Variants in SLC6A11 observed in about 807,000 individuals in gnomAD.
SLC6A11 encodes solute carrier family 6 member 11.
A neutral mutation model predicts 74.8 loss-of-function variants in SLC6A11; 25 were observed. The observed-to-expected ratio is 0.33, with a 90% CI of 0.24 to 0.47. The LOEUF is 0.47. SLC6A11 is among the 20% of genes least tolerant of loss of function. The probability of loss-of-function intolerance (pLI) is 1.00; values close to 1 mark genes in which losing one functional copy is unlikely to be tolerated. For synonymous variants in SLC6A11, 330 were observed against 330.2 expected (o/e 1.00, Z 0.01); for missense variants, 574 against 837.0 (o/e 0.69, Z 3.88).
At chr3:10,865,681 C>A (rs550837352) in intron 5 of SLC6A11, among the ~76,000 whole-genome samples, 25 of 152,174 alleles carry the variant, frequency 1.6e-4, no homozygotes, top group African/African-American at 5.1e-4. Flanking sequence ...AACAAAAAAC[C>A]CTGTGGCTTC....
intron 9 of SLC6A11, among the ~76,000 whole-genome samples, chr3:10,927,636 A>G (rs755258551): frequency 6.6e-6 from 1 of 152,124 alleles, no homozygotes; most frequent in Non-Finnish European, 1.5e-5. Flanking sequence ...CCTCTTCCCT[A>G]GGACCTGGAG....
At chr3:10,936,954 T>C (rs1302380481) in intron 13 of SLC6A11, among the ~76,000 whole-genome samples, 2 of 152,162 alleles carry the variant, frequency 1.3e-5, no homozygotes, top group African/African-American at 2.4e-5. Flanking sequence ...GGGACTTCTT[T>C]GGAGGTGTCA....
At chr3:10,846,304 T>G (rs1385340068) in intron 5 of SLC6A11, among the ~76,000 whole-genome samples, 1 of 152,180 alleles carries the variant, frequency 6.6e-6, no homozygotes, top group East Asian at 1.9e-4. Flanking sequence ...TTGTGAACTG[T>G]GAAGAGAAGG....
intron 11 of SLC6A11, among the ~76,000 whole-genome samples, 159 bp downstream of exon 11, chr3:10,933,412 G>A (rs951488749): frequency 2.0e-5 from 3 of 152,166 alleles, no homozygotes; most frequent in Non-Finnish European, 4.4e-5. Flanking sequence ...CCCACTGTTG[G>A]TAGACCTTCT....
intron 2 of SLC6A11, 28 bp downstream of exon 2, chr3:10,819,627 A>C (rs1193806609): frequency 1.2e-6 from 2 of 1,609,464 alleles, no homozygotes; most frequent in Admixed American, 3.4e-5. Flanking sequence ...GAGAAAATAA[A>C]ATTTTGCCCA....
chr3:10,925,960 G>A (rs968373786), intron 8 of SLC6A11, 44 bp from the exon 9 acceptor site: 1 of 1,072,646 alleles, frequency 9.3e-7, no homozygotes. Context: ...TGATATGAGG[G>A]ATGGGACTCC....
intron 7 of SLC6A11, 120 bp downstream of exon 7, chr3:10,912,313 G>A: frequency 1.4e-6 from 1 of 705,050 alleles, no homozygotes; most frequent in South Asian, 1.7e-5. Context: ...TAGATAGGCT[G>A]TTTGTTGGCC....
At chr3:10,836,046 C>A (rs911510571) in intron 4 of SLC6A11, among the ~76,000 whole-genome samples, 2 of 152,222 alleles carry the variant, frequency 1.3e-5, no homozygotes, top group African/African-American at 2.4e-5. Flanking sequence ...CTCCAAGCAA[C>A]ACTCAGCTAT....
intron 6 of SLC6A11, among the ~76,000 whole-genome samples, chr3:10,911,078 C>G (rs1217974311): frequency 6.6e-6 from 1 of 152,236 alleles, no homozygotes; most frequent in African/African-American, 2.4e-5. Flanking sequence ...CCCACCTCAG[C>G]TTCCCAAAGT....
At chr3:10,899,012 G>A (rs1204435886) in intron 6 of SLC6A11, among the ~76,000 whole-genome samples, 1 of 152,092 alleles carries the variant, frequency 6.6e-6, no homozygotes, top group Non-Finnish European at 1.5e-5. Flanking sequence ...AGCAAAACAG[G>A]TTTCCCCTTA....
chr3:10,857,769 G>A (rs372297936), intron 5 of SLC6A11, among the ~76,000 whole-genome samples: 1 of 152,136 alleles, frequency 6.6e-6, no homozygotes, highest in African/African-American at 2.4e-5. Flanking sequence ...CATGGCTTTT[G>A]TCACCCTGAA....
chr3:10,824,562 A>C (rs1324335065), intron 4 of SLC6A11: 19 of 152,144 alleles, frequency 1.2e-4, no homozygotes, highest in Non-Finnish European at 1.5e-5. Flanking sequence ...ATATTTTTCA[A>C]ATTTGTGATA....
intron 3 of SLC6A11, among the ~76,000 whole-genome samples, chr3:10,821,815 T>A (rs76732319): frequency 6.6e-6 from 1 of 150,654 alleles, no homozygotes; most frequent in African/African-American, 2.4e-5. Flanking sequence ...TTTTTTTTTT[T>A]AACTCTAGGA....
chr3:10,896,865 A>G (rs960286848), intron 6 of SLC6A11, among the ~76,000 whole-genome samples: 1 of 152,188 alleles, frequency 6.6e-6, no homozygotes, highest in Non-Finnish European at 1.5e-5. Context: ...CTAACTTCCA[A>G]TGCAATACAT....
intron 4 of SLC6A11, among the ~76,000 whole-genome samples, chr3:10,831,137 C>G (rs957228299): frequency 6.6e-6 from 1 of 152,170 alleles, no homozygotes; most frequent in Non-Finnish European, 1.5e-5. Context: ...TGAACTTGTT[C>G]TGATGCAGGC....
intron 5 of SLC6A11, among the ~76,000 whole-genome samples, chr3:10,867,638 C>T (rs912998516): frequency 6.6e-6 from 1 of 152,206 alleles, no homozygotes. Flanking sequence ...TCCATCTGGT[C>T]CTTTCCCACA....
Position 10,816,442 on chromosome 3 carries a change from C to T in SLC6A11, c.177C>T (p.Phe59=). The change falls in exon 1 of 14, where the codon TTC becomes TTT. Residue 59 remains phenylalanine (F), a synonymous_variant. Transcript: ENST00000254488. This position sits in a 1 kb window ranked among gnomAD's most constrained non-coding sequence, Gnocchi z 4.2. ...GCCACTGGAACAACAAGGTGGAGTT[C>T]GTGCTGAGCGTGGCCGGGGAGATCA... The part of the protein sequence containing the change: ...ERGHWNNKVE[F]VLSVAGEIIG... 3 of 1,604,104 alleles carry T rather than the reference C, an allele frequency of 1.9e-6. No homozygotes were observed. The highest frequency in any genetic ancestry group is 2.6e-6 in the Non-Finnish European group (3 of 1,175,830).
intron 4 of SLC6A11, among the ~76,000 whole-genome samples, chr3:10,831,504 A>G (rs576873265): frequency 3.5e-4 from 53 of 152,212 alleles, no homozygotes; most frequent in African/African-American, 1.3e-3. Flanking sequence ...TGTATATGAT[A>G]TCGTATGTAA....
chr3:10,874,005 A>ACGC (rs1239816998), intron 5 of SLC6A11, among the ~76,000 whole-genome samples: 3 of 152,072 alleles, frequency 2.0e-5, no homozygotes, highest in Non-Finnish European at 2.9e-5. Flanking sequence ...ATGCTATGCT[A>ACGC]TGCTATGCTA....
Sources: allele counts gnomAD v4.1 joint callset (sites outside exome capture counted in the v4.1 genomes callset), GRCh38; gene constraint gnomAD v4.1.1; non-coding constraint Gnocchi (gnomAD v3.1); transcripts MANE v1.5; gene names NCBI Gene and HGNC (gene_info 2026-07-23, HGNC 2026-07-21).